KIF5C: variants seen among roughly 807,000 people sequenced by gnomAD.
KIF5C encodes kinesin family member 5C.
A neutral mutation model predicts 125.2 loss-of-function variants in KIF5C; 18 were observed. The ratio of observed to expected loss-of-function variants is 0.14; its 90% CI spans 0.10 to 0.21. The LOEUF (loss-of-function observed/expected upper bound fraction) is 0.21, where lower values mean the gene tolerates loss of function less well. KIF5C is among the 10% of genes least tolerant of loss of function. The pLI, the probability that KIF5C is intolerant of heterozygous loss-of-function variation, is 1.00. For synonymous variants in KIF5C, 405 were observed against 434.0 expected, an observed-to-expected ratio of 0.93 and a Z score of 0.83; for missense variants, 780 against 1,183.8, an observed-to-expected ratio of 0.66 and a Z score of 5.01.
chr2:148,998,752 G>C (rs1465688419), intron 19 of KIF5C: 1 of 530,536 alleles, frequency 1.9e-6, no homozygotes, highest in Non-Finnish European at 3.3e-6. Context: ...TAGTCCCCGA[G>C]GGCCAGGGTC....
intron 18 of KIF5C, chr2:148,998,074 C>G: frequency 2.9e-6 from 1 of 343,884 alleles, no homozygotes; most frequent in Non-Finnish European, 5.6e-6. Flanking sequence ...CTGGAGGTTA[C>G]GTGGATAGGG....
intron 25 of KIF5C, among the ~76,000 whole-genome samples, chr2:149,014,501 G>A (rs1031584042): frequency 1.3e-5 from 2 of 152,246 alleles, no homozygotes; most frequent in Non-Finnish European, 2.9e-5. Flanking sequence ...CAGGATGGCA[G>A]TGTGGCTGAG....
At chr2:148,878,964 T>C (rs1000568771) in intron 1 of KIF5C, 2 of 152,234 alleles carry the variant, frequency 1.3e-5, no homozygotes, top group Admixed American at 6.5e-5. Flanking sequence ...TATGGAGATA[T>C]ATTCCAAGAA....
rs373791220 is a variant in KIF5C, at chr2:148,934,551, G to A, written c.292-2733G>A. On this transcript the variant is annotated intron_variant, in intron 3 of 25. Coordinates refer to ENST00000435030, the MANE Select transcript of KIF5C (RefSeq NM_004522.3). Reference sequence around the variant, plus strand: ...CATATATCACACACACAACACACACGCATACACACACACACACACACACTC... The same window carrying A: ...CATATATCACACACACAACACACACACATACACACACACACACACACACTC... Among the ~76,000 whole-genome samples the A allele has an allele frequency of 1.3e-3, 173 of 137,012 alleles. 1 individual carries two copies. Among genetic ancestry groups the A allele is most frequent in the East Asian group, 9.4e-3 (39 of 4,164 alleles). The allele number at this position is 137,012 out of a possible 152,430, so 89.9% of individuals were successfully genotyped here.
intron 2 of KIF5C, 70 bp downstream of exon 2, chr2:148,922,297 C>A: frequency 9.8e-7 from 1 of 1,015,566 alleles, no homozygotes; most frequent in Non-Finnish European, 1.5e-6. Flanking sequence ...ATATTTGCAG[C>A]CTAGGAATCA....
chr2:148,882,962 G>A (rs559544979), intron 1 of KIF5C, among the ~76,000 whole-genome samples: 116 of 152,226 alleles, frequency 7.6e-4, no homozygotes, highest in Non-Finnish European at 1.5e-3. Context: ...AGTATAAGAC[G>A]TCTTTTGAAA....
chr2:148,956,007 C>T (rs1343241703), intron 10 of KIF5C, among the ~76,000 whole-genome samples: 1 of 152,228 alleles, frequency 6.6e-6, no homozygotes, highest in African/African-American at 2.4e-5. Context: ...AAGGTAGGCA[C>T]TCCTCGTGTC....
chr2:149,017,513 G>A (rs970230275), intron 25 of KIF5C, among the ~76,000 whole-genome samples: 3 of 152,174 alleles, frequency 2.0e-5, no homozygotes, highest in Non-Finnish European at 2.9e-5. Flanking sequence ...TGAGAGCCCT[G>A]GAGATCCACT....
intron 15 of KIF5C, among the ~76,000 whole-genome samples, chr2:148,986,622 T>C (rs750787471): frequency 6.6e-6 from 1 of 152,244 alleles, no homozygotes; most frequent in Admixed American, 6.5e-5. Flanking sequence ...TCTTTTGATA[T>C]AGGAAAATGA....
At chr2:149,012,965 A>G (rs1469526215) in intron 25 of KIF5C, among the ~76,000 whole-genome samples, 1 of 152,214 alleles carries the variant, frequency 6.6e-6, no homozygotes, top group Non-Finnish European at 1.5e-5. Context: ...TAGAACAGAA[A>G]AGCCTGAAGC....
intron 10 of KIF5C, among the ~76,000 whole-genome samples, chr2:148,953,087 C>T (rs912982231): frequency 1.1e-4 from 17 of 152,148 alleles, no homozygotes; most frequent in East Asian, 5.8e-4. Context: ...TGAAATAGGT[C>T]GGTCTACATT....
intron 15 of KIF5C, among the ~76,000 whole-genome samples, chr2:148,989,788 A>T (rs1681477835): frequency 6.6e-6 from 1 of 152,112 alleles, no homozygotes; most frequent in African/African-American, 2.4e-5. Flanking sequence ...TTGTTGTTGA[A>T]TTCTTATGGT....
At chr2:148,937,885 G>A (rs1028401236) in intron 4 of KIF5C, among the ~76,000 whole-genome samples, 1 of 152,234 alleles carries the variant, frequency 6.6e-6, no homozygotes, top group Non-Finnish European at 1.5e-5. Context: ...TTATTTGAAT[G>A]TAGACACATT....
intron 14 of KIF5C, among the ~76,000 whole-genome samples, chr2:148,982,023 C>T (rs1681251431): frequency 6.6e-6 from 1 of 152,194 alleles, no homozygotes; most frequent in South Asian, 2.1e-4. Flanking sequence ...GCATATGCTA[C>T]GATATCAATA....
intron 15 of KIF5C, among the ~76,000 whole-genome samples, chr2:148,989,699 T>G (rs191198759): frequency 6.6e-6 from 1 of 152,340 alleles, no homozygotes; most frequent in East Asian, 1.9e-4. Context: ...CAAGGTGGTT[T>G]CACATTGTGG....
At chr2:149,000,889 T>C in intron 21 of KIF5C, 107 bp downstream of exon 21, 2 of 1,539,596 alleles carry the variant, frequency 1.3e-6, no homozygotes, top group Non-Finnish European at 1.7e-6. Flanking sequence ...CTGTGTAATG[T>C]TTTAGATAAG....
At chr2:148,901,030 G>T (rs1254184238) in intron 1 of KIF5C, among the ~76,000 whole-genome samples, 2 of 152,170 alleles carry the variant, frequency 1.3e-5, no homozygotes, top group African/African-American at 2.4e-5. Context: ...AATAAAAATG[G>T]TGGTTGCTGA....
At chr2:148,958,756 C>A (rs968009974) in intron 10 of KIF5C, among the ~76,000 whole-genome samples, 1 of 151,962 alleles carries the variant, frequency 6.6e-6, no homozygotes, top group Non-Finnish European at 1.5e-5. Flanking sequence ...TTGAGGTAGG[C>A]GGATCACCAG....
intron 11 of KIF5C, among the ~76,000 whole-genome samples, chr2:148,967,163 G>T (rs901831897): frequency 4.6e-5 from 7 of 152,216 alleles, no homozygotes; most frequent in Non-Finnish European, 8.8e-5. Flanking sequence ...CTCCGGGCAT[G>T]TGCATGTGGC....
Sources: allele counts gnomAD v4.1 joint callset (sites outside exome capture counted in the v4.1 genomes callset), GRCh38; gene constraint gnomAD v4.1.1; transcripts MANE v1.5; gene names NCBI Gene and HGNC (gene_info 2026-07-23, HGNC 2026-07-21).